WDR74: variants seen among roughly 807,000 people sequenced by gnomAD.
WDR74 encodes WD repeat domain 74, also known as WD repeat-containing protein 74.
WDR74 carries 31 observed loss-of-function variants against 45.6 expected under a neutral mutation model. That is an observed-to-expected ratio of 0.68 (90% CI 0.51 to 0.92). WDR74 has a LOEUF of 0.92. Ranked by LOEUF, WDR74 falls within the 40% of genes least tolerant of loss-of-function variation. The probability of loss-of-function intolerance (pLI) is 0.00; values close to 1 mark genes in which losing one functional copy is unlikely to be tolerated. For missense variants in WDR74, 455 were observed against 497.2 expected, an observed-to-expected ratio of 0.92 and a Z score of 0.81; for synonymous variants, 191 against 192.4, an observed-to-expected ratio of 0.99 and a Z score of 0.06.
In WDR74 at chr11:62,833,030, G is replaced by A. The variant is rs1590982609; in HGVS notation, c.1080C>T (p.Leu360=). The A allele has an allele frequency of 4.3e-6, 7 of 1,610,742 alleles. No individual in the cohort carries two copies. Among genetic ancestry groups the A allele is most frequent in the Non-Finnish European group, 5.9e-6 (7 of 1,178,616 alleles). ...CTCCTTGGGGCTGCTCCAAACCCGA[G>A]AGCTTCCGCTTGGCAGCTGCCTCCA... ...ASLEAAAKRK[L]SGLEQPQGAL... Residue 360 remains leucine, a synonymous_variant, in exon 11 of 11, where the codon CTC becomes CTT. Transcript: ENST00000278856.
chr11:62,839,297 T>G, intron 2 of WDR74, 25 bp downstream of exon 2: 1 of 1,610,742 alleles, frequency 6.2e-7, no homozygotes, highest in Non-Finnish European at 8.5e-7. Context: ...GGCCCCCAGC[T>G]CCGGCCCGAC....
At position 62,839,418 on chromosome 11, in the gene WDR74, A is replaced by C. The variant is rs1467327305; in HGVS notation, c.75T>G (p.Leu25=). 2 of 1,613,384 alleles carry C rather than the reference A, an allele frequency of 1.2e-6. No individual in the cohort carries two copies. The highest frequency in any genetic ancestry group is 1.7e-6 in the Non-Finnish European group (2 of 1,179,838). ...TETGILKGVN[L]QRKQAANFTA... The stretch of plus-strand genomic sequence containing the variant: ...TGAAGTTCGCCGCCTGTTTTCGCTG[A>C]AGATTTACCCCTGAGAGACGAAGGC... The change falls in exon 2 of 11, where the codon CTT becomes CTG. Residue 25 remains leucine, a synonymous_variant. Transcript: ENST00000278856.
At chr11:62,841,551 T>TA (rs1346084983), upstream of WDR74, 2 of 151,028 alleles carry the variant, frequency 1.3e-5, no homozygotes, top group African/African-American at 4.8e-5. Context: ...AACAAGAACA[T>TA]AACTATTTAG....
At chr11:62,834,616 GCT>G in intron 6 of WDR74, 89 bp from the exon 7 acceptor site, 10 of 1,126,898 alleles carry the variant, frequency 8.9e-6, no homozygotes, top group Non-Finnish European at 1.3e-5. Context: ...CCTGCACACT[GCT>G]TTCTTATTTA....
intron 3 of WDR74, among the ~76,000 whole-genome samples, chr11:62,838,623 T>G (rs558991046): frequency 6.6e-6 from 1 of 151,738 alleles, no homozygotes; most frequent in South Asian, 2.1e-4. Context: ...CCGCGCGTGG[T>G]GGCAGACGCC....
chr11:62,833,876 A>G lies in WDR74; in HGVS notation c.837T>C (p.Pro279=). ...AGSVRGLQCH[P]SKPLLASCGL... is the part of the protein sequence containing the mutation. ...CACAGGAGGCTAGTAGAGGCTTTGA[A>G]GGGTGGCACTGCAACCCACGCACAC... The change falls in exon 9 of 11, where the codon CCT becomes CCC. Residue 279 remains proline (P), a synonymous_variant. Transcript: ENST00000278856. 4 of 1,613,996 alleles carry G rather than the reference A, an allele frequency of 2.5e-6. No homozygotes were observed. Among genetic ancestry groups the G allele is most frequent in the Non-Finnish European group, 3.4e-6 (4 of 1,179,888 alleles).
At chr11:62,841,596 C>A (rs745877424), upstream of WDR74, 2 of 152,160 alleles carry the variant, frequency 1.3e-5, no homozygotes, top group African/African-American at 2.4e-5. Context: ...TTCCATTAAA[C>A]AACGGTTGTT....
chr11:62,833,422 G>C (rs1220691873), intron 10 of WDR74, 196 bp downstream of exon 10: 1 of 716,506 alleles, frequency 1.4e-6, no homozygotes, highest in African/African-American at 1.8e-5. Context: ...CCTGCTCCTA[G>C]AAAGCAACCC....
chr11:62,841,668 A>G (rs1014361633), upstream of WDR74: 7 of 152,348 alleles, frequency 4.6e-5, no homozygotes, highest in Non-Finnish European at 7.4e-5. Flanking sequence ...CGATGCGTGG[A>G]GTGGACGGAG....
In WDR74 at chr11:62,833,801, C is replaced by A. The variant is rs746918322; in HGVS notation, c.912G>T (p.Leu304=). The part of the protein sequence containing the change: ...RIHRIQNPRG[L]EHKVYLKSQL... ...GGGAGAGACAACTTACCTTATGCTC[C>A]AGACCCCGTGGATTCTGGATCCTGT... is the stretch of plus-strand genomic sequence containing the variant. The change falls in exon 9 of 11, where the codon CTG becomes CTT. Residue 304 remains leucine, a synonymous_variant. Transcript: ENST00000278856. The A allele has an allele frequency of 6.2e-7, 1 of 1,613,766 alleles. No individual in the cohort carries two copies. The highest frequency in any genetic ancestry group is 8.5e-7 in the Non-Finnish European group (1 of 1,179,780).
At chr11:62,834,389 A>AGCGGC in intron 7 of WDR74, 38 bp downstream of exon 7, 2 of 1,592,112 alleles carry the variant, frequency 1.3e-6, no homozygotes, top group Non-Finnish European at 8.6e-7. Context: ...GCCCTTCTCA[A>AGCGGC]GCCCCACCCT....
rs1360799844 is a variant in WDR74 at position 62,839,509 on chromosome 11, T to G, written c.62A>C (p.Lys21Thr). ...VWVGTETGIL[K>T]GVNLQRKQAA... ...CGACGCCCGAGCCTGCCACCCACCT[T>G]TCAAGATCCCAGTCTCGGTGCCGAC... The change falls in exon 1 of 11, where the codon AAA becomes ACA. Residue 21 changes from lysine to threonine, a missense_variant and splice_region_variant. Transcript: ENST00000278856. 1 of 1,613,526 alleles carries G rather than the reference T, an allele frequency of 6.2e-7. No individual in the cohort carries two copies.
chr11:62,839,669 T>C, upstream of WDR74: 9 of 1,421,512 alleles, frequency 6.3e-6, no homozygotes, highest in South Asian at 1.4e-5. Context: ...GCTGGAAGTT[T>C]GAAGAGCCGA....
In WDR74 at chr11:62,839,578, C is replaced by A; in HGVS notation, c.-8G>T. On this transcript the variant is annotated 5_prime_UTR_variant, in exon 1 of 11. Transcript: ENST00000278856. ...TGCAGCAGCAGCCGCCATGACAAAG[C>A]CTGGAGGCAGACAGTTCACACTTCC... 2 of 1,605,344 alleles carry A rather than the reference C, an allele frequency of 1.2e-6. No homozygotes were observed. Among genetic ancestry groups the A allele is most frequent in the Non-Finnish European group, 1.7e-6 (2 of 1,175,278 alleles).
chr11:62,841,539 A>C (rs189507852), upstream of WDR74: 37 of 151,056 alleles, frequency 2.4e-4, no homozygotes, highest in African/African-American at 7.5e-4. Context: ...TCCAACTCAA[A>C]CAACAAGAAC....
chr11:62,837,498 A>T (rs1162111875), intron 3 of WDR74, among the ~76,000 whole-genome samples: 13 of 147,178 alleles, frequency 8.8e-5, no homozygotes, highest in African/African-American at 2.6e-4. Context: ...CTCCGTATAT[A>T]AAAAAAAAAC....
intron 10 of WDR74, 151 bp downstream of exon 10, chr11:62,833,467 T>A (rs773537660): frequency 1.0e-6 from 1 of 978,698 alleles, no homozygotes; most frequent in Non-Finnish European, 1.5e-6. Flanking sequence ...TCTCAGGATT[T>A]TAACTGTTAA....
chr11:62,838,008 C>T (rs548826487), intron 3 of WDR74, among the ~76,000 whole-genome samples: 47 of 152,028 alleles, frequency 3.1e-4, no homozygotes, highest in Non-Finnish European at 6.2e-4. Context: ...GAGGTTGAGG[C>T]GGGAGGATCG....
intron 3 of WDR74, among the ~76,000 whole-genome samples, chr11:62,838,836 A>C (rs2084999828): frequency 1.3e-5 from 2 of 152,042 alleles, no homozygotes; most frequent in Non-Finnish European, 2.9e-5. Context: ...TACTTAGAGG[A>C]TTATAATGGA....
Sources: gnomAD v4.1 joint callset for allele counts (sites outside exome capture counted in the v4.1 genomes callset) on GRCh38, gnomAD v4.1.1 for gene constraint, MANE v1.5 for transcripts, NCBI Gene and HGNC (gene_info 2026-07-23, HGNC 2026-07-21) for gene names.